ERC2: variants seen among roughly 807,000 people sequenced by gnomAD.
ERC2 encodes the protein ELKS/RAB6-interacting/CAST family member 2, also known as ERC protein 2.
Under a neutral mutation model 114.8 loss-of-function variants are expected in ERC2, and 42 were observed. The ratio of observed to expected loss-of-function variants is 0.37; its 90% CI spans 0.29 to 0.47. ERC2 has a LOEUF of 0.47. Among genes scored for constraint, ERC2 ranks in the 20% least tolerant of loss-of-function variants. The probability of loss-of-function intolerance (pLI) is 0.99; values close to 1 mark genes in which losing one functional copy is unlikely to be tolerated. For missense variants in ERC2, 939 were observed against 1,150.7 expected, an observed-to-expected ratio of 0.82 and a Z score of 2.66; for synonymous variants, 454 against 425.5, an observed-to-expected ratio of 1.07 and a Z score of -0.82.
At chr3:55,724,483 T>C (rs541991517) in intron 15 of ERC2, among the ~76,000 whole-genome samples, 1 of 152,330 alleles carries the variant, frequency 6.6e-6, no homozygotes, top group South Asian at 2.1e-4. Context: ...TGGGCTCTGG[T>C]TCCACCCCTT....
At chr3:55,749,914 C>T (rs2066571778) in intron 14 of ERC2, among the ~76,000 whole-genome samples, 1 of 152,174 alleles carries the variant, frequency 6.6e-6, no homozygotes, top group African/African-American at 2.4e-5. Context: ...CACGAACCCA[C>T]CAGCAGGAGC....
chr3:56,366,218 C>A (rs917540353), intron 2 of ERC2, among the ~76,000 whole-genome samples: 1 of 152,240 alleles, frequency 6.6e-6, no homozygotes. Context: ...GTATCCGAAA[C>A]CTTCTCTTTT....
chr3:55,808,750 A>C (rs2059599996), intron 14 of ERC2, among the ~76,000 whole-genome samples: 1 of 114,116 alleles, frequency 8.8e-6, no homozygotes, highest in Non-Finnish European at 1.7e-5. Flanking sequence ...TATAACGTAT[A>C]ACTAAACATA....
intron 3 of ERC2, among the ~76,000 whole-genome samples, chr3:56,176,996 A>G (rs1016587663): frequency 3.9e-5 from 6 of 152,222 alleles, no homozygotes; most frequent in African/African-American, 1.4e-4. Context: ...AAGGACTTCA[A>G]TATCCAAGAA....
chr3:56,325,815 T>G (rs2057337057), intron 2 of ERC2, among the ~76,000 whole-genome samples: 2 of 152,218 alleles, frequency 1.3e-5, no homozygotes, highest in South Asian at 4.1e-4. Flanking sequence ...ATGAGAAAAC[T>G]GAGGCTCAAA....
intron 17 of ERC2, among the ~76,000 whole-genome samples, chr3:55,678,501 G>C (rs2061915652): frequency 6.6e-6 from 1 of 152,086 alleles, no homozygotes; most frequent in African/African-American, 2.4e-5. Flanking sequence ...TTTTTCCACA[G>C]ATTGCTACCC....
At chr3:55,969,269 G>T (rs2068976358) in intron 12 of ERC2, among the ~76,000 whole-genome samples, 1 of 151,962 alleles carries the variant, frequency 6.6e-6, no homozygotes, top group African/African-American at 2.4e-5. Context: ...TTTGAGAAAG[G>T]TCCCAAGCTT....
chr3:55,826,396 C>G lies in ERC2; in HGVS notation c.2564+61993G>C, dbSNP rs553445864. On this transcript the variant is annotated intron_variant, in intron 14 of 17. Coordinates refer to ENST00000288221, the MANE Select transcript of ERC2 (RefSeq NM_015576.3). The stretch of plus-strand genomic sequence containing the variant: ...GTAATTTCCAGGAGTCTACCAGAAT[C>G]TGGACTCAGAATACCTTAAGTTGAA... Among the ~76,000 whole-genome samples, 329 of 152,284 alleles carry G rather than the reference C, an allele frequency of 2.2e-3. 1 individual carries two copies. Among genetic ancestry groups the G allele is most frequent in the African/African-American group, 7.5e-3 (312 of 41,552 alleles).
chr3:55,676,269 C>T (rs1485185492), intron 17 of ERC2, among the ~76,000 whole-genome samples: 1 of 151,666 alleles, frequency 6.6e-6, no homozygotes, highest in Non-Finnish European at 1.5e-5. Context: ...TGAGATAAAG[C>T]ATGTATAATA....
intron 14 of ERC2, among the ~76,000 whole-genome samples, chr3:55,811,622 T>C (rs892143697): frequency 6.6e-6 from 1 of 152,198 alleles, no homozygotes; most frequent in African/African-American, 2.4e-5. Context: ...TGGTTCCCAC[T>C]GCCAGGGATA....
chr3:56,265,355 A>C (rs954464057), intron 3 of ERC2, among the ~76,000 whole-genome samples: 1 of 152,244 alleles, frequency 6.6e-6, no homozygotes, highest in African/African-American at 2.4e-5. Context: ...CAATGAGGAA[A>C]GGACAGTGTC....
chr3:56,027,724 G>C (rs914435393), intron 7 of ERC2, among the ~76,000 whole-genome samples: 1 of 152,026 alleles, frequency 6.6e-6, no homozygotes, highest in Non-Finnish European at 1.5e-5. Context: ...TCCTTTGTCA[G>C]ATACATGGTT....
intron 6 of ERC2, among the ~76,000 whole-genome samples, chr3:56,114,709 A>G (rs2079135015): frequency 6.6e-6 from 1 of 152,230 alleles, no homozygotes; most frequent in African/African-American, 2.4e-5. Flanking sequence ...AGATTAGAAC[A>G]GTGAGAAAAT....
intron 13 of ERC2, among the ~76,000 whole-genome samples, chr3:55,892,651 A>G (rs570184277): frequency 6.6e-6 from 1 of 152,324 alleles, no homozygotes; most frequent in Non-Finnish European, 1.5e-5. Context: ...CCCAAGTCCC[A>G]CCACCTAGAA....
intron 3 of ERC2, among the ~76,000 whole-genome samples, chr3:56,231,239 G>T (rs1040619750): frequency 1.3e-5 from 2 of 152,160 alleles, no homozygotes; most frequent in African/African-American, 4.8e-5. Flanking sequence ...ATTAAGAAAA[G>T]AATTATTTTA....
intron 14 of ERC2, among the ~76,000 whole-genome samples, chr3:55,784,208 A>G (rs1428002585): frequency 1.3e-5 from 2 of 152,072 alleles, no homozygotes; most frequent in South Asian, 4.1e-4. Flanking sequence ...CAAAACCTCA[A>G]TTTGTATTCT....
Position 56,434,995 on chromosome 3 carries a change from C to T in ERC2, c.13G>A (p.Ala5Thr), listed in dbSNP as rs2061954944. ...CCTTCCAGATTGGTGATTGTTCTTG[C>T]ACTTCCATACATTTTTCTTGTATTA... Reference protein sequence around the residue: MYGSARTITNLEGSP... With the variant: MYGSTRTITNLEGSP... The change falls in exon 2 of 18, where the codon GCA (alanine) becomes ACA (threonine). Residue 5 changes from alanine (A) to threonine (T), a missense_variant. Physicochemically the swap from Ala to Thr is moderately conservative, Grantham distance 58 (BLOSUM62 0). Coordinates refer to ENST00000288221, the MANE Select transcript of ERC2 (RefSeq NM_015576.3). The T allele has an allele frequency of 1.2e-6, 2 of 1,607,794 alleles. No homozygotes were observed. The highest frequency in any genetic ancestry group is 1.1e-5 in the South Asian group (1 of 90,734).
In ERC2 at chr3:56,110,148, G is replaced by C. The variant is rs1270541914; in HGVS notation, c.1474-29164C>G. Reference sequence around the variant, plus strand: ...ATTAAAGTTGTAAAAAGGCAGGATAGTGTTATGCTGAACATTTTCACTTTA... The same window carrying C: ...ATTAAAGTTGTAAAAAGGCAGGATACTGTTATGCTGAACATTTTCACTTTA... On this transcript the variant is annotated intron_variant, in intron 6 of 17. Transcript: ENST00000288221. 2.0e-5 allele frequency among the ~76,000 whole-genome samples: 3 copies of C among 152,288 alleles called. No individual in the cohort carries two copies. In the East Asian group the frequency reaches 5.8e-4, roughly 29 times the overall value.
At chr3:55,741,357 A>G (rs1053011336) in intron 14 of ERC2, among the ~76,000 whole-genome samples, 5 of 152,072 alleles carry the variant, frequency 3.3e-5, no homozygotes, top group Non-Finnish European at 5.9e-5. Flanking sequence ...AAACTAAAAT[A>G]CCACCAGTTC....
Sources: allele counts gnomAD v4.1 joint callset (sites outside exome capture counted in the v4.1 genomes callset), GRCh38; gene constraint gnomAD v4.1.1; transcripts MANE v1.5; gene names NCBI Gene and HGNC (gene_info 2026-07-23, HGNC 2026-07-21).